ASTN2: variants seen among roughly 807,000 people sequenced by gnomAD.
The protein encoded by ASTN2 is astrotactin 2, also known as astrotactin-2.
Under a neutral mutation model 139.8 loss-of-function variants are expected in ASTN2, and 54 were observed. That is an observed-to-expected ratio of 0.39 (90% CI 0.31 to 0.48). ASTN2 has a LOEUF of 0.48. Ranked by LOEUF, ASTN2 falls within the 20% of genes least tolerant of loss-of-function variation. The pLI is 0.95. For missense variants in ASTN2, 1,565 were observed against 1,725.1 expected (o/e 0.91, Z 1.64); for synonymous variants, 756 against 719.5 (o/e 1.05, Z -0.81).
chr9:116,799,698 T>A (rs1830789407), intron 13 of ASTN2, among the ~76,000 whole-genome samples: 1 of 105,400 alleles, frequency 9.5e-6, no homozygotes, highest in Non-Finnish European at 1.7e-5. Flanking sequence ...TGAATGTGGG[T>A]AAGAGAGTGG....
intron 2 of ASTN2, among the ~76,000 whole-genome samples, chr9:117,227,166 G>A (rs74517007): frequency 0.012 from 1,831 of 152,288 alleles, 39 homozygotes; most frequent in African/African-American, 0.041. Flanking sequence ...CTATCACCAA[G>A]ACAGAGTCAC....
chr9:116,633,920 T>A (rs2131871123), intron 17 of ASTN2, among the ~76,000 whole-genome samples: 1 of 152,278 alleles, frequency 6.6e-6, no homozygotes, highest in Middle Eastern at 3.4e-3. Flanking sequence ...TTTAAGGTAG[T>A]CATATTTCTA....
chr9:117,329,894 C>G (rs1828645840), intron 1 of ASTN2, among the ~76,000 whole-genome samples: 1 of 152,170 alleles, frequency 6.6e-6, no homozygotes, highest in Admixed American at 6.5e-5. Context: ...GTGCTTGGCA[C>G]TTCTCATGCA....
intron 1 of ASTN2, among the ~76,000 whole-genome samples, chr9:117,327,242 T>C (rs1186556997): frequency 6.6e-6 from 1 of 152,126 alleles, no homozygotes; most frequent in African/African-American, 2.4e-5. Flanking sequence ...CACCAGGCCA[T>C]GGACTGGTAC....
intron 1 of ASTN2, among the ~76,000 whole-genome samples, chr9:117,377,574 A>G (rs1422068723): frequency 5.3e-5 from 8 of 152,076 alleles, no homozygotes; most frequent in African/African-American, 9.7e-5. Context: ...TGAAAATTAA[A>G]AAGTCCATAT....
At chr9:117,009,428 A>G (rs774946284) in intron 6 of ASTN2, among the ~76,000 whole-genome samples, 6 of 152,150 alleles carry the variant, frequency 3.9e-5, no homozygotes, top group Non-Finnish European at 8.8e-5. Flanking sequence ...GGAGGCAAGA[A>G]ACAGAAGCCC....
At chr9:116,970,570 A>T (rs1367129273) in intron 10 of ASTN2, among the ~76,000 whole-genome samples, 1 of 152,180 alleles carries the variant, frequency 6.6e-6, no homozygotes. Flanking sequence ...TAAAGCACTG[A>T]AATCTTTGTC....
At chr9:116,693,582 G>A (rs1468879826) in intron 16 of ASTN2, among the ~76,000 whole-genome samples, 2 of 152,038 alleles carry the variant, frequency 1.3e-5, no homozygotes, top group Middle Eastern at 3.2e-3. Context: ...AAGGGATGTG[G>A]GAAGATGGTA....
chr9:117,358,495 C>T (rs967715747), intron 1 of ASTN2, among the ~76,000 whole-genome samples: 4 of 152,072 alleles, frequency 2.6e-5, no homozygotes, highest in African/African-American at 9.7e-5. Flanking sequence ...ATTTCCTTCC[C>T]AATCATTTGA....
chr9:116,589,711 C>A (rs1012229419), intron 19 of ASTN2, among the ~76,000 whole-genome samples: 5 of 152,214 alleles, frequency 3.3e-5, no homozygotes, highest in African/African-American at 1.2e-4. Flanking sequence ...TCCCAAGCCT[C>A]CAACTCTTTA....
At chr9:116,986,106 C>G (rs116963176) in intron 7 of ASTN2, among the ~76,000 whole-genome samples, 1 of 151,928 alleles carries the variant, frequency 6.6e-6, no homozygotes, top group Non-Finnish European at 1.5e-5. Flanking sequence ...GTTGCAGTGT[C>G]GTTATCGTGA....
chr9:116,686,855 G>A (rs2132037565), intron 16 of ASTN2: 1 of 1,548,168 alleles, frequency 6.5e-7, no homozygotes, highest in East Asian at 2.4e-5. Flanking sequence ...AGAACATGAG[G>A]CCAAAGCACT....
chr9:117,021,179 A>G (rs779589277), intron 6 of ASTN2, among the ~76,000 whole-genome samples: 1 of 152,124 alleles, frequency 6.6e-6, no homozygotes, highest in Non-Finnish European at 1.5e-5. Flanking sequence ...AAGTGTTGGG[A>G]TTGCAGGTGT....
At chr9:116,707,341 G>A (rs1440241584) in intron 16 of ASTN2, among the ~76,000 whole-genome samples, 2 of 127,168 alleles carry the variant, frequency 1.6e-5, no homozygotes, top group Admixed American at 8.2e-5. Context: ...ATAGGGAAAA[G>A]CATCCATGCT....
chr9:117,336,515 A>AGCC (rs1488403123), intron 1 of ASTN2, among the ~76,000 whole-genome samples: 2 of 152,264 alleles, frequency 1.3e-5, no homozygotes, highest in East Asian at 3.9e-4. Flanking sequence ...TGCAGGAGGA[A>AGCC]GCCCACCTCA....
intron 17 of ASTN2, among the ~76,000 whole-genome samples, chr9:116,629,236 G>C (rs1483318011): frequency 6.7e-6 from 1 of 149,216 alleles, no homozygotes; most frequent in Non-Finnish European, 1.5e-5. Flanking sequence ...TCCTGCCTCA[G>C]CCTCTGGAGT....
intron 1 of ASTN2, among the ~76,000 whole-genome samples, chr9:117,299,307 C>A (rs1834817419): frequency 6.6e-6 from 1 of 152,190 alleles, no homozygotes; most frequent in South Asian, 2.1e-4. Context: ...ATTTAGTCAA[C>A]CAACCTCTTC....
At chr9:116,502,189 G>C (rs1849883392) in intron 19 of ASTN2, among the ~76,000 whole-genome samples, 1 of 151,742 alleles carries the variant, frequency 6.6e-6, no homozygotes, top group South Asian at 2.1e-4. Flanking sequence ...GTGAGAGAGA[G>C]AGACAGAGAG....
At chr9:116,483,648 T>A (rs1479259347) in intron 20 of ASTN2, among the ~76,000 whole-genome samples, 2 of 150,748 alleles carry the variant, frequency 1.3e-5, no homozygotes, top group Non-Finnish European at 3.0e-5. Flanking sequence ...AGAGAGGGAA[T>A]AAAAGACAAA....
Sources: allele counts gnomAD v4.1 joint callset (sites outside exome capture counted in the v4.1 genomes callset), GRCh38; gene constraint gnomAD v4.1.1; transcripts MANE v1.5; gene names NCBI Gene and HGNC (gene_info 2026-07-23, HGNC 2026-07-21).